The following ZNF385D variants were observed in gnomAD, a reference collection of about 807,000 sequenced individuals.
The protein encoded by ZNF385D is zinc finger protein 659.
ZNF385D carries 15 observed loss-of-function variants against 35.8 expected under a neutral mutation model. That is an observed-to-expected ratio of 0.42 (90% CI 0.28 to 0.64). ZNF385D has a LOEUF of 0.64. Among genes scored for constraint, ZNF385D ranks in the 30% least tolerant of loss-of-function variants. The pLI is 0.23. For missense variants in ZNF385D, 474 were observed against 494.6 expected (o/e 0.96, Z 0.39); for synonymous variants, 212 against 186.8 (o/e 1.13, Z -1.10).
intron 2 of ZNF385D, among the ~76,000 whole-genome samples, chr3:21,598,444 G>A (rs2064186213): frequency 6.6e-6 from 1 of 152,168 alleles, no homozygotes; most frequent in Admixed American, 6.5e-5. Flanking sequence ...TTGCTGTCAA[G>A]CAGTACAAAA....
intron 3 of ZNF385D, among the ~76,000 whole-genome samples, chr3:21,972,934 T>A (rs556166189): frequency 6.6e-6 from 1 of 151,998 alleles, no homozygotes; most frequent in East Asian, 1.9e-4. Context: ...TAAGAAAGTC[T>A]CCCAGCAAAG....
intron 2 of ZNF385D, among the ~76,000 whole-genome samples, chr3:21,640,957 T>C (rs966898863): frequency 6.6e-6 from 1 of 152,072 alleles, no homozygotes; most frequent in Admixed American, 6.6e-5. Context: ...CTCAGAGGTA[T>C]ATGAAGGAGT....
At chr3:21,882,433 G>T (rs143212522) in intron 3 of ZNF385D, among the ~76,000 whole-genome samples, 49 of 151,034 alleles carry the variant, frequency 3.2e-4, no homozygotes, top group Middle Eastern at 6.9e-3. Flanking sequence ...AAACATTGTT[G>T]TTTTATACAT....
intron 3 of ZNF385D, among the ~76,000 whole-genome samples, chr3:21,963,146 A>G (rs1401705235): frequency 6.6e-6 from 1 of 152,112 alleles, no homozygotes; most frequent in African/African-American, 2.4e-5. Flanking sequence ...TAAAATGCTC[A>G]TTTTCTTTTC....
chr3:21,848,451 A>G (rs1381406924), intron 3 of ZNF385D, among the ~76,000 whole-genome samples: 1 of 151,230 alleles, frequency 6.6e-6, no homozygotes, highest in Admixed American at 6.6e-5. Context: ...CAAATATATA[A>G]ATAAAATTGA....
intron 3 of ZNF385D, among the ~76,000 whole-genome samples, chr3:21,879,732 AG>A (rs1242568090): frequency 6.6e-6 from 1 of 152,038 alleles, no homozygotes; most frequent in Non-Finnish European, 1.5e-5. Flanking sequence ...AAAGGGCACC[AG>A]AGAGTCCTCA....
At chr3:21,900,396 G>C (rs1422829307) in intron 3 of ZNF385D, among the ~76,000 whole-genome samples, 2 of 152,028 alleles carry the variant, frequency 1.3e-5, no homozygotes, top group Non-Finnish European at 2.9e-5. Context: ...CAACACATGA[G>C]AAAAACATTG....
chr3:21,510,442 C>T (rs964018302), intron 4 of ZNF385D, among the ~76,000 whole-genome samples: 1 of 152,110 alleles, frequency 6.6e-6, no homozygotes, highest in Non-Finnish European at 1.5e-5. Context: ...TGTAATAATG[C>T]CCTTATTGGG....
intron 2 of ZNF385D, among the ~76,000 whole-genome samples, chr3:22,332,931 T>A (rs1416557475): frequency 6.6e-6 from 1 of 152,060 alleles, no homozygotes; most frequent in African/African-American, 2.4e-5. Flanking sequence ...GTGTTTTAAC[T>A]TTCCTTCCGG....
chr3:21,498,186 T>C (rs170836), intron 4 of ZNF385D, among the ~76,000 whole-genome samples: 107,146 of 152,008 alleles, frequency 0.7, 38,044 homozygotes, highest in East Asian at 0.84. Context: ...TGAAATTGGA[T>C]ATTTTCCTTA....
At chr3:21,492,846 C>T (rs765596324) in intron 4 of ZNF385D, among the ~76,000 whole-genome samples, 1 of 151,438 alleles carries the variant, frequency 6.6e-6, no homozygotes, top group Non-Finnish European at 1.5e-5. Context: ...GAAAAACTAT[C>T]TGACCATCCC....
intron 3 of ZNF385D, among the ~76,000 whole-genome samples, chr3:21,551,536 G>A (rs1013496623): frequency 1.3e-5 from 2 of 152,170 alleles, no homozygotes; most frequent in Non-Finnish European, 2.9e-5. Flanking sequence ...GAATCATTGA[G>A]TATCCATTCT....
At chr3:21,645,846 T>C (rs1456631808) in intron 2 of ZNF385D, among the ~76,000 whole-genome samples, 1 of 152,208 alleles carries the variant, frequency 6.6e-6, no homozygotes, top group Admixed American at 6.5e-5. Flanking sequence ...GTTGACCTTT[T>C]CTAGGTCCAT....
chr3:21,571,971 GATTGCATTATCTAGGC>G (rs2063348639), intron 2 of ZNF385D, among the ~76,000 whole-genome samples: 1 of 151,988 alleles, frequency 6.6e-6, no homozygotes, highest in South Asian at 2.1e-4. Context: ...TTTTTTTGTG[GATTGCATTATCTAGGC>G]ATGATTGACT....
chr3:22,062,601 T>C (rs1156974802), intron 3 of ZNF385D, among the ~76,000 whole-genome samples: 2 of 152,134 alleles, frequency 1.3e-5, no homozygotes, highest in African/African-American at 2.4e-5. Context: ...TTTTAAAACA[T>C]ACCCACAAAT....
intron 3 of ZNF385D, among the ~76,000 whole-genome samples, chr3:21,809,395 A>G (rs906192308): frequency 6.6e-6 from 1 of 151,968 alleles, no homozygotes; most frequent in Non-Finnish European, 1.5e-5. Context: ...AAAATATATA[A>G]TATTGTCTAA....
chr3:21,458,113 G>A (rs1009921179), intron 4 of ZNF385D, among the ~76,000 whole-genome samples: 10 of 152,028 alleles, frequency 6.6e-5, no homozygotes, highest in Admixed American at 6.6e-4. Flanking sequence ...GACTGTAGAA[G>A]AATTTAAACT....
intron 3 of ZNF385D, among the ~76,000 whole-genome samples, chr3:21,966,770 T>C (rs941633806): frequency 5.3e-5 from 8 of 152,108 alleles, no homozygotes; most frequent in African/African-American, 1.9e-4. Flanking sequence ...TTAGTAGAGA[T>C]GGAGTTTTGC....
intron 1 of ZNF385D, among the ~76,000 whole-genome samples, chr3:21,703,032 C>A (rs1426742585): frequency 6.6e-6 from 1 of 152,192 alleles, no homozygotes; most frequent in African/African-American, 2.4e-5. Context: ...TTCACTTCCA[C>A]ATTTTTGGGT....
Sources: gnomAD v4.1 joint callset for allele counts (sites outside exome capture counted in the v4.1 genomes callset) on GRCh38, gnomAD v4.1.1 for gene constraint, MANE v1.5 for transcripts, NCBI Gene and HGNC (gene_info 2026-07-23, HGNC 2026-07-21) for gene names.